SNAP23: variants seen among roughly 807,000 people sequenced by gnomAD.
SNAP23 encodes the protein synaptosome associated protein 23.
In SNAP23, 11 loss-of-function variants were observed where a neutral mutation model predicts 29.0. That is an observed-to-expected ratio of 0.38 (90% CI 0.24 to 0.63). The LOEUF (loss-of-function observed/expected upper bound fraction) is 0.63, where lower values mean the gene tolerates loss of function less well. SNAP23 is among the 20% of genes least tolerant of loss of function. SNAP23 has a pLI of 0.58. For missense variants in SNAP23, 220 were observed against 253.9 expected (o/e 0.87, Z 0.91); for synonymous variants, 60 against 82.9 (o/e 0.72, Z 1.50).
At chr15:42,513,345 C>G (rs771092908) in intron 3 of SNAP23, 54 bp from the exon 4 acceptor site, 2 of 1,495,482 alleles carry the variant, frequency 1.3e-6, no homozygotes, top group Non-Finnish European at 1.9e-6. Flanking sequence ...GGTTTTGTTT[C>G]TGTTGTTTTT....
intron 6 of SNAP23, 80 bp from the exon 7 acceptor site, chr15:42,529,595 A>T: frequency 1.4e-6 from 2 of 1,443,922 alleles, no homozygotes; most frequent in Non-Finnish European, 1.9e-6. Flanking sequence ...CATTTTGGTT[A>T]CTTACTTTTG....
At chr15:42,506,602 C>G (rs557390008) in intron 1 of SNAP23, among the ~76,000 whole-genome samples, 46 of 152,264 alleles carry the variant, frequency 3.0e-4, no homozygotes, top group African/African-American at 1.0e-3. Flanking sequence ...TAATAGAAGA[C>G]AGTTGAAAAC....
intron 5 of SNAP23, 30 bp downstream of exon 5, chr15:42,515,384 A>G: frequency 7.1e-7 from 1 of 1,406,092 alleles, no homozygotes; most frequent in Non-Finnish European, 1.0e-6. Flanking sequence ...TGGTTTCAAA[A>G]TAAGTAATGA....
upstream of SNAP23, chr15:42,495,292 GT>G (rs1270377573): frequency 6.6e-6 from 1 of 152,176 alleles, no homozygotes; most frequent in Non-Finnish European, 1.5e-5. Flanking sequence ...GCTATGCACT[GT>G]ATTCTATCCA....
intron 5 of SNAP23, chr15:42,521,489 T>C (rs2141542861): frequency 1.5e-6 from 2 of 1,350,558 alleles, no homozygotes; most frequent in Non-Finnish European, 1.9e-6. Flanking sequence ...AGGCAGGAAA[T>C]TGAATGCATT....
intron 5 of SNAP23, among the ~76,000 whole-genome samples, chr15:42,525,479 T>TTTTTTTTTTTTTTTTC (rs2057494338): frequency 8.2e-6 from 1 of 121,766 alleles, no homozygotes; most frequent in Non-Finnish European, 1.7e-5. Flanking sequence ...TTTTTTTTTT[T>TTTTTTTTTTTTTTTTC]TTGAGACGGA....
At chr15:42,499,179 C>T (rs1307763878) in intron 1 of SNAP23, among the ~76,000 whole-genome samples, 1 of 152,022 alleles carries the variant, frequency 6.6e-6, no homozygotes, top group Non-Finnish European at 1.5e-5. Flanking sequence ...AGCGATTCTC[C>T]TGCCTCAGCC....
chr15:42,508,027 G>A (rs1238203570), intron 1 of SNAP23, among the ~76,000 whole-genome samples: 1 of 152,082 alleles, frequency 6.6e-6, no homozygotes, highest in African/African-American at 2.4e-5. Flanking sequence ...AGGCTGAGGT[G>A]GGAGGATTGC....
At chr15:42,496,721 A>C (rs955034922) in intron 1 of SNAP23, among the ~76,000 whole-genome samples, 1 of 152,136 alleles carries the variant, frequency 6.6e-6, no homozygotes, top group Non-Finnish European at 1.5e-5. Context: ...CAACTCAAAA[A>C]AAAACAAAAA....
intron 7 of SNAP23, among the ~76,000 whole-genome samples, chr15:42,530,403 C>A (rs1050201901): frequency 6.6e-6 from 1 of 152,128 alleles, no homozygotes; most frequent in Admixed American, 6.6e-5. Flanking sequence ...TCCCCCTTAA[C>A]TTTACATGAT....
At chr15:42,500,624 A>G (rs1300827748) in intron 1 of SNAP23, among the ~76,000 whole-genome samples, 1 of 152,086 alleles carries the variant, frequency 6.6e-6, no homozygotes, top group Non-Finnish European at 1.5e-5. Context: ...TCCTGACCTC[A>G]GATGATCTGC....
chr15:42,523,435 T>C (rs1422379856), intron 5 of SNAP23, among the ~76,000 whole-genome samples: 1 of 152,236 alleles, frequency 6.6e-6, no homozygotes, highest in Non-Finnish European at 1.5e-5. Context: ...CATGTCACGA[T>C]ATTCCAACTA....
At chr15:42,525,663 C>G (rs529845075) in intron 5 of SNAP23, among the ~76,000 whole-genome samples, 1 of 151,282 alleles carries the variant, frequency 6.6e-6, no homozygotes, top group Non-Finnish European at 1.5e-5. Context: ...AGGGTTTCAC[C>G]ATGTTGGCCA....
At chr15:42,496,907 C>G (rs1442473833) in intron 1 of SNAP23, among the ~76,000 whole-genome samples, 1 of 152,098 alleles carries the variant, frequency 6.6e-6, no homozygotes, top group Non-Finnish European at 1.5e-5. Context: ...GAAAAAGCCC[C>G]TTATAAAACC....
upstream of SNAP23, among the ~76,000 whole-genome samples, chr15:42,494,192 T>C (rs2057196223): frequency 6.6e-6 from 1 of 152,016 alleles, no homozygotes; most frequent in African/African-American, 2.4e-5. Flanking sequence ...GGCCAAACTT[T>C]CCAAAAGCAT....
intron 4 of SNAP23, among the ~76,000 whole-genome samples, chr15:42,514,993 A>G (rs567039310): frequency 6.6e-6 from 1 of 152,114 alleles, no homozygotes; most frequent in Non-Finnish European, 1.5e-5. Flanking sequence ...GAGCCACCAT[A>G]CCCAGCCATA....
chr15:42,523,432 C>T lies in SNAP23; in HGVS notation c.267-4830C>T, dbSNP rs78476959. On this transcript the variant is annotated intron_variant, in intron 5 of 7. Transcript: ENST00000249647. ...CTGGTCCTAGTAATCTTTCATGTCA[C>T]GATATTCCAACTACATTCATGTACC... Among the ~76,000 whole-genome samples, 86 of 152,290 alleles carry T rather than the reference C, an allele frequency of 5.6e-4. 1 individual carries two copies. The East Asian group carries it at 0.016, about 28-fold the overall frequency.
At chr15:42,524,068 G>A (rs1325799750) in intron 5 of SNAP23, among the ~76,000 whole-genome samples, 4 of 151,386 alleles carry the variant, frequency 2.6e-5, no homozygotes, top group Non-Finnish European at 5.9e-5. Flanking sequence ...CACCCACCTC[G>A]GCCTCCCAAA....
intron 5 of SNAP23, among the ~76,000 whole-genome samples, chr15:42,519,872 G>T (rs1384836020): frequency 6.6e-6 from 1 of 151,956 alleles, no homozygotes; most frequent in Non-Finnish European, 1.5e-5. Flanking sequence ...AATGGATTGG[G>T]GTAACAGTTG....
Sources: allele counts gnomAD v4.1 joint callset (sites outside exome capture counted in the v4.1 genomes callset), GRCh38; gene constraint gnomAD v4.1.1; transcripts MANE v1.5; gene names NCBI Gene and HGNC (gene_info 2026-07-23, HGNC 2026-07-21).